ANKRD18A: variants seen among roughly 807,000 people sequenced by gnomAD.
ANKRD18A encodes the protein ankyrin repeat domain 18A.
In ANKRD18A, 72 loss-of-function variants were observed where a neutral mutation model predicts 110.6. The ratio of observed to expected loss-of-function variants is 0.65; its 90% confidence interval spans 0.54 to 0.79. The LOEUF is 0.79. Among genes scored for constraint, ANKRD18A ranks in the 30% least tolerant of loss-of-function variants. ANKRD18A has a pLI of 0.00. For missense variants in ANKRD18A, 934 were observed against 1,163.3 expected (o/e 0.80, Z 2.87); for synonymous variants, 305 against 410.3 (o/e 0.74, Z 3.10).
intron 4 of ANKRD18A, among the ~76,000 whole-genome samples, chr9:38,610,832 C>T (rs555547831): frequency 6.7e-6 from 1 of 149,806 alleles, no homozygotes; most frequent in South Asian, 2.1e-4. Context: ...CTGAAAACAA[C>T]AGCATCAACA....
rs1823859775 is a variant in ANKRD18A, at chr9:38,575,682, C to T, written c.2758G>A (p.Ala920Thr). Residue 920 changes from alanine (A) to threonine (T), a missense_variant, in exon 15 of 16, where the codon GCA becomes ACA. Ala to Thr is a moderately conservative substitution (Grantham distance 58). Around this residue, in one of 4 missense-constraint regions of ANKRD18A, gnomAD observed 223 missense variants for 226.7 expected, o/e 0.98. Transcript: ENST00000399703. Reference protein sequence around the residue: ...KKLMKSDKKIAVISTKLFTEK... With the variant: ...KKLMKSDKKITVISTKLFTEK... ...GTAAAGAGCTTGGTGCTGATCACTG[C>T]TATTTTCTTATCCGATCTGTAAAGA... 6.4e-7 allele frequency: 1 copy of T among 1,551,068 alleles called. No individual in the cohort carries two copies. The highest frequency in any genetic ancestry group is 1.2e-5 in the South Asian group (1 of 83,768).
At chr9:38,605,084 C>T (rs1052589549) in intron 6 of ANKRD18A, among the ~76,000 whole-genome samples, 21 of 152,154 alleles carry the variant, frequency 1.4e-4, no homozygotes, top group Non-Finnish European at 1.9e-4. Flanking sequence ...ACATACTGAA[C>T]GTGATACATA....
chr9:38,568,584 G>T (rs57783014), downstream of ANKRD18A, among the ~76,000 whole-genome samples: 14,463 of 151,958 alleles, frequency 0.095, 1,133 homozygotes, highest in African/African-American at 0.21. Flanking sequence ...TTCCTTGAGT[G>T]GGTGAGGTTG....
chr9:38,577,140 T>C lies in ANKRD18A; in HGVS notation c.2654A>G (p.Glu885Gly), dbSNP rs1339172326. The change falls in exon 14 of 16, where the codon GAA becomes GGA. Residue 885 changes from glutamate to glycine, a missense_variant. Glu to Gly is a moderately conservative substitution (Grantham distance 98). Around this residue, in one of 4 missense-constraint regions of ANKRD18A, gnomAD observed 223 missense variants for 226.7 expected, o/e 0.98. Coordinates refer to ENST00000399703, the MANE Select transcript of ANKRD18A (RefSeq NM_147195.4). Reference sequence around the variant, plus strand: ...TTCTTCTAATTCAGTTGTAACCTCTTCATAAGCAGTTTTCATTTTGGAGAA... The same window carrying C: ...TTCTTCTAATTCAGTTGTAACCTCTCCATAAGCAGTTTTCATTTTGGAGAA... ...CKFSKMKTAY[E>G]EVTTELEEFK... 2.6e-6 allele frequency: 4 copies of C among 1,549,542 alleles called. No homozygotes were observed. The African/African-American group carries it at 4.1e-5, about 16-fold the overall frequency.
chr9:38,593,482 T>A (rs929541851), intron 10 of ANKRD18A, among the ~76,000 whole-genome samples: 11 of 152,196 alleles, frequency 7.2e-5, no homozygotes, highest in African/African-American at 2.4e-4. Flanking sequence ...AAAAATACTG[T>A]TTAACGGGAA....
At chr9:38,581,375 C>A (rs546481710) in intron 12 of ANKRD18A, among the ~76,000 whole-genome samples, 4,842 of 152,218 alleles carry the variant, frequency 0.032, 107 homozygotes, top group African/African-American at 0.055. Flanking sequence ...GTCTCCTTAC[C>A]ATTTCCCCTC....
At chr9:38,571,294 A>C, downstream of ANKRD18A, 2 of 1,320,118 alleles carry the variant, frequency 1.5e-6, no homozygotes, top group Non-Finnish European at 2.0e-6. Flanking sequence ...AAAAGACATA[A>C]AGTCAGCTTG....
At chr9:38,589,371 C>G (rs1033196232) in intron 10 of ANKRD18A, among the ~76,000 whole-genome samples, 3 of 152,224 alleles carry the variant, frequency 2.0e-5, no homozygotes, top group African/African-American at 7.2e-5. Context: ...CAGTGCAAGT[C>G]TCTTTAGAGC....
intron 12 of ANKRD18A, among the ~76,000 whole-genome samples, chr9:38,579,997 A>C (rs761983500): frequency 2.0e-5 from 3 of 152,230 alleles, no homozygotes; most frequent in Non-Finnish European, 2.9e-5. Flanking sequence ...TCACCATATA[A>C]AAAAATGAAA....
intron 11 of ANKRD18A, among the ~76,000 whole-genome samples, chr9:38,587,288 G>GA (rs1262434420): frequency 1.3e-5 from 2 of 152,162 alleles, no homozygotes; most frequent in Admixed American, 6.5e-5. Flanking sequence ...GACAATGGCA[G>GA]AAAAATGTTG....
Position 38,595,840 on chromosome 9 carries a change from C to T in ANKRD18A, c.1500G>A (p.Lys500=). 3 of 1,551,298 alleles carry T rather than the reference C, an allele frequency of 1.9e-6. No homozygotes were observed. The highest frequency in any genetic ancestry group is 2.6e-6 in the Non-Finnish European group (3 of 1,146,684). ...GCTGTACACTTCCTAAAGCCAATGT[C>T]TTTTCCCTGAGAGCATCTCTTGTCT... ...LRETRDALRE[K]TLALGSVQLD... Residue 500 remains lysine (K), a synonymous_variant, in exon 9 of 16, where the codon AAG becomes AAA. Transcript: ENST00000399703.
At position 38,609,217 on chromosome 9, in the gene ANKRD18A, C is replaced by T. The variant is rs529558618; in HGVS notation, c.740+1056G>A. ...GCTGTGGGCCGGGCGCGGTGGCTCA[C>T]GCCTGTAATCACAGCACTTTAGGAG... On this transcript the variant is annotated intron_variant, in intron 5 of 15. Coordinates refer to ENST00000399703, the MANE Select transcript of ANKRD18A (RefSeq NM_147195.4). Among the ~76,000 whole-genome samples the T allele has an allele frequency of 1.2e-3, 185 of 151,316 alleles. 1 individual carries two copies. Among genetic ancestry groups the T allele is most frequent in the African/African-American group, 4.2e-3 (169 of 40,652 alleles).
In ANKRD18A at chr9:38,610,337, T is replaced by C; in HGVS notation, c.676A>G (p.Ile226Val). ...TGGCCAAACATGTCTTGAGAAGAGA[T>C]ACGTATATTTTGTTGAAGCAGGAGG... ...VTLLLQQNIRISSQDMFGQTA... is the reference protein window; with the variant it reads ...VTLLLQQNIRVSSQDMFGQTA... Residue 226 changes from isoleucine to valine, a missense_variant, in exon 5 of 16, where the codon ATC (isoleucine) becomes GTC (valine). Physicochemically the swap from Ile to Val is conservative, Grantham distance 29 (BLOSUM62 3). This residue lies in a region of ANKRD18A where 630 missense variants were observed against 797.5 expected (regional missense o/e 0.79). Transcript: ENST00000399703. 2 of 1,551,374 alleles carry C rather than the reference T, an allele frequency of 1.3e-6. No homozygotes were observed. Among genetic ancestry groups the C allele is most frequent in the Non-Finnish European group, 1.7e-6 (2 of 1,146,826 alleles).
chr9:38,571,212 G>T, downstream of ANKRD18A: 1 of 1,499,060 alleles, frequency 6.7e-7, no homozygotes, highest in Non-Finnish European at 8.8e-7. Flanking sequence ...CTGCCGCAGA[G>T]AAAATACATT....
At chr9:38,601,387 G>A (rs1825112243) in intron 7 of ANKRD18A, among the ~76,000 whole-genome samples, 183 bp from the exon 8 acceptor site, 1 of 152,034 alleles carries the variant, frequency 6.6e-6, no homozygotes, top group Non-Finnish European at 1.5e-5. Flanking sequence ...ACCACTTGGG[G>A]AGACGCTAGA....
At position 38,595,527 on chromosome 9, in the gene ANKRD18A, C is replaced by A. The variant is rs267602245; in HGVS notation, c.1813G>T (p.Glu605Ter). 1 of 1,501,624 alleles carries A rather than the reference C, an allele frequency of 6.7e-7. No homozygotes were observed. Among genetic ancestry groups the A allele is most frequent in the Non-Finnish European group, 8.9e-7 (1 of 1,126,552 alleles). The allele number at this position is 1,501,624 out of a possible 1,614,324, so 93.0% of individuals were successfully genotyped here. The change falls in exon 9 of 16, where the codon GAA (glutamate) becomes TAA (stop). Residue 605 changes from glutamate to a stop codon, truncating the protein, a stop_gained. Transcript: ENST00000399703. LOFTEE classifies it high-confidence loss of function. The stretch of plus-strand genomic sequence containing the variant: ...TCTTTTTCACACTGAAGCAGTTTTT[C>A]TTTTAAATAATTATATTCTTTCATT... ...ELMKEYNYLK[E>*]KLLQCEKEKA... is the part of the protein sequence containing the mutation.
At chr9:38,603,105 C>T in intron 7 of ANKRD18A, 54 bp downstream of exon 7, 4 of 1,529,714 alleles carry the variant, frequency 2.6e-6, no homozygotes, top group East Asian at 2.5e-5. Flanking sequence ...CTGAAGCTTC[C>T]CTTGTCTCCC....
chr9:38,620,020 G>A (rs2118921746), intron 1 of ANKRD18A, 60 bp downstream of exon 1: 2 of 1,537,082 alleles, frequency 1.3e-6, no homozygotes, highest in South Asian at 1.2e-5. Flanking sequence ...AGGGGCTGCC[G>A]GGCTGCAGGG....
chr9:38,594,476 C>T (rs1267840781), intron 9 of ANKRD18A, among the ~76,000 whole-genome samples: 1 of 152,168 alleles, frequency 6.6e-6, no homozygotes, highest in African/African-American at 2.4e-5. Flanking sequence ...AAATTATGAG[C>T]TAATTACTCA....
Sources: gnomAD v4.1 joint callset for allele counts (sites outside exome capture counted in the v4.1 genomes callset) on GRCh38, gnomAD v4.1.1 for gene constraint, gnomAD v4.1.1 regional missense constraint, MANE v1.5 for transcripts, NCBI Gene and HGNC (gene_info 2026-07-23, HGNC 2026-07-21) for gene names.